SNX32: variants seen among roughly 807,000 people sequenced by gnomAD.
SNX32 encodes the protein sorting nexin 32, also known as sorting nexin-32.
SNX32 carries 58 observed loss-of-function variants against 57.0 expected under a neutral mutation model. That is an observed-to-expected ratio of 1.02 (90% CI 0.82 to 1.27). The LOEUF (loss-of-function observed/expected upper bound fraction) is 1.27. SNX32 is among the 50% of genes most tolerant of loss of function. The pLI is 0.00. For missense variants in SNX32, 589 were observed against 541.2 expected, an observed-to-expected ratio of 1.09 and a Z score of -0.88; for synonymous variants, 262 against 220.4, an observed-to-expected ratio of 1.19 and a Z score of -1.67.
chr11:65,841,721 C>T (rs887159129), intron 1 of SNX32, among the ~76,000 whole-genome samples: 1 of 151,354 alleles, frequency 6.6e-6, no homozygotes, highest in Non-Finnish European at 1.5e-5. Flanking sequence ...GCAACAAGAA[C>T]AAGACTCTGT....
intron 1 of SNX32, among the ~76,000 whole-genome samples, chr11:65,842,949 C>CAATA (rs1858885094): frequency 2.4e-5 from 1 of 41,238 alleles, no homozygotes; most frequent in Non-Finnish European, 4.8e-5. Context: ...AACTCCATCT[C>CAATA]AAAAAAAAAA....
Position 65,852,716 on chromosome 11 carries a change from GGTGCGGCCCGCCGAGAGCCACCAGCAGCT to G in SNX32, c.1004_1032del (p.Arg335LeufsTer32). On this transcript the variant is annotated frameshift_variant, in exon 11 of 13. Transcript: ENST00000308342. LOFTEE classifies it high-confidence loss of function. ...ACAAGGCGCGCACCAGGAACCGGGA[GGTGCGGCCCGCCGAGAGCCACCAGCAGCT>G]GTGCTGCCAACGCTTCGAGCGCCTC... The G allele has an allele frequency of 1.9e-6, 3 of 1,600,882 alleles. No individual in the cohort carries two copies. The highest frequency in any genetic ancestry group is 1.3e-5 in the African/African-American group (1 of 74,856).
chr11:65,840,440 G>A (rs1293765850), intron 1 of SNX32, among the ~76,000 whole-genome samples: 1 of 151,978 alleles, frequency 6.6e-6, no homozygotes, highest in African/African-American at 2.4e-5. Context: ...AAGAAATAAA[G>A]GTATAAAGGT....
chr11:65,849,155 G>C (rs561054400), intron 1 of SNX32, among the ~76,000 whole-genome samples: 143 of 152,208 alleles, frequency 9.4e-4, no homozygotes, highest in African/African-American at 3.2e-3. Flanking sequence ...AACAAACAAA[G>C]AAACAACAAC....
intron 1 of SNX32, chr11:65,835,537 A>C (rs1288406611): frequency 3.3e-5 from 5 of 152,314 alleles, no homozygotes; most frequent in African/African-American, 1.2e-4. Context: ...CGTTGTGCCA[A>C]GGATGGTTAG....
intron 1 of SNX32, among the ~76,000 whole-genome samples, chr11:65,834,515 T>C (rs1565243227): frequency 6.6e-6 from 1 of 151,146 alleles, no homozygotes; most frequent in African/African-American, 2.4e-5. Flanking sequence ...TGCATGTCTG[T>C]GTCTGTCTCT....
chr11:65,847,496 A>G (rs182968170), intron 1 of SNX32, among the ~76,000 whole-genome samples: 2 of 152,188 alleles, frequency 1.3e-5, no homozygotes, highest in East Asian at 1.9e-4. Flanking sequence ...AATAAAATAT[A>G]TATCTATCAT....
At chr11:65,842,935 G>C (rs1858883707) in intron 1 of SNX32, among the ~76,000 whole-genome samples, 1 of 120,926 alleles carries the variant, frequency 8.3e-6, no homozygotes, top group Non-Finnish European at 1.6e-5. Context: ...AGCAACAAGA[G>C]CGAAACTCCA....
In SNX32 at chr11:65,853,308, C is replaced by G. The variant is rs1280687224; in HGVS notation, c.1185C>G (p.Thr395=). 1.9e-6 allele frequency: 3 copies of G among 1,614,088 alleles called. No individual in the cohort carries two copies. The South Asian group carries it at 3.3e-5, about 18-fold the overall frequency. ...AKASTLILRN[T]LVALKGEP ...CCAGCACCCTGATTCTCCGGAACAC[C>G]CTTGTTGCCCTAAAGGGGGAGCCTT... is the stretch of plus-strand genomic sequence containing the variant. Residue 395 remains threonine, a synonymous_variant, in exon 13 of 13, where the codon ACC becomes ACG. Transcript: ENST00000308342.
chr11:65,848,407 T>TA (rs779856056), intron 1 of SNX32, among the ~76,000 whole-genome samples: 1,264 of 114,868 alleles, frequency 0.011, 8 homozygotes, highest in African/African-American at 0.019. Flanking sequence ...ACTCTGTCTC[T>TA]AAAAAAAAAA....
chr11:65,844,223 G>C (rs2134693405), intron 1 of SNX32, among the ~76,000 whole-genome samples: 1 of 152,272 alleles, frequency 6.6e-6, no homozygotes, highest in African/African-American at 2.4e-5. Flanking sequence ...TGCACTATCT[G>C]ATTTCCAGTC....
At chr11:65,845,396 C>A (rs978939084) in intron 1 of SNX32, among the ~76,000 whole-genome samples, 2 of 150,518 alleles carry the variant, frequency 1.3e-5, no homozygotes, top group African/African-American at 4.9e-5. Context: ...TGAGATCGTG[C>A]CACTGCACTC....
In SNX32 at chr11:65,853,606, A is replaced by G; in HGVS notation, c.*271A>G. ...ACACCTCTCCCCAGGAAGCTGAGGAACAGCCTCTACCCTCACCCATAGCCC... is the reference window on the plus strand; with the variant it reads ...ACACCTCTCCCCAGGAAGCTGAGGAGCAGCCTCTACCCTCACCCATAGCCC... On this transcript the variant is annotated 3_prime_UTR_variant, in exon 13 of 13. Transcript: ENST00000308342. 1 of 554,824 alleles carries G rather than the reference A, an allele frequency of 1.8e-6. No individual in the cohort carries two copies. The highest frequency in any genetic ancestry group is 3.2e-6 in the Non-Finnish European group (1 of 307,982). 34.4% of individuals were successfully genotyped at this position (554,824 alleles called of 1,614,324 possible). A position where few individuals can be genotyped will look rare whatever the true frequency, so the allele number is the denominator to read the frequency against.
chr11:65,836,588 T>C (rs1279878813), intron 1 of SNX32, among the ~76,000 whole-genome samples: 1 of 152,108 alleles, frequency 6.6e-6, no homozygotes, highest in Non-Finnish European at 1.5e-5. Context: ...AATTATACTA[T>C]AAAGACACAT....
chr11:65,845,861 G>C (rs2134694860), intron 1 of SNX32, among the ~76,000 whole-genome samples: 1 of 152,314 alleles, frequency 6.6e-6, no homozygotes, highest in South Asian at 2.1e-4. Context: ...AATGAAATAA[G>C]ACACAGCAAT....
At position 65,850,760 on chromosome 11, in the gene SNX32, C is replaced by T. The variant is rs751382372; in HGVS notation, c.508C>T (p.Arg170Trp). The change falls in exon 6 of 13, where the codon CGG becomes TGG. Residue 170 changes from arginine (R) to tryptophan (W), a missense_variant. By Grantham distance (101) the Arg-to-Trp change is moderately radical (BLOSUM62 -3). Transcript: ENST00000308342. ...TCCCTGTGTGCCTCAGCTGAGTGTC[C>T]GGGGGAAGAACAGGAAGGAGCTCCT... ...FLEYGQDLSV[R>W]GKNRKELLGG... The T allele has an allele frequency of 5.6e-6, 9 of 1,613,950 alleles. No individual in the cohort carries two copies. Among genetic ancestry groups the T allele is most frequent in the Middle Eastern group, 1.7e-4 (1 of 6,058 alleles).
intron 1 of SNX32, among the ~76,000 whole-genome samples, chr11:65,834,814 G>C (rs530855938): frequency 1.4e-5 from 2 of 147,930 alleles, no homozygotes; most frequent in African/African-American, 4.9e-5. Flanking sequence ...TATGGTCTGC[G>C]TGTGTCTGTG....
At position 65,850,571 on chromosome 11, in the gene SNX32, C is replaced by T; in HGVS notation, c.498+17C>T. On this transcript the variant is annotated intron_variant, in intron 5 of 12. Transcript: ENST00000308342. ...GGACAGGATGTGAGCTGGGCCGAATCCCTGGGGTCACCCTTGGGCCAGGAG... is the reference window on the plus strand; with the variant it reads ...GGACAGGATGTGAGCTGGGCCGAATTCCTGGGGTCACCCTTGGGCCAGGAG... 6.3e-7 allele frequency: 1 copy of T among 1,594,076 alleles called. No individual in the cohort carries two copies. Among genetic ancestry groups the T allele is most frequent in the Non-Finnish European group, 8.5e-7 (1 of 1,169,918 alleles).
chr11:65,847,257 A>T (rs1859027522), intron 1 of SNX32, among the ~76,000 whole-genome samples: 1 of 151,982 alleles, frequency 6.6e-6, no homozygotes, highest in Non-Finnish European at 1.5e-5. Flanking sequence ...GGGCTCAAGC[A>T]ATTCTCCTGC....
Sources: allele counts gnomAD v4.1 joint callset (sites outside exome capture counted in the v4.1 genomes callset), GRCh38; gene constraint gnomAD v4.1.1; transcripts MANE v1.5; gene names NCBI Gene and HGNC (gene_info 2026-07-23, HGNC 2026-07-21).